SLF1: variants seen among roughly 807,000 people sequenced by gnomAD.
SLF1 encodes SMC5/6 complex localization factor 1, also known as SMC5-SMC6 complex localization factor protein 1.
In SLF1, 105 loss-of-function variants were observed where a neutral mutation model predicts 123.0. That is an observed-to-expected ratio of 0.85 (90% confidence interval 0.73 to 1.00). The LOEUF (loss-of-function observed/expected upper bound fraction) is 1.00, where lower values mean the gene tolerates loss of function less well. Ranked by LOEUF, SLF1 falls within the 50% of genes least tolerant of loss-of-function variation. SLF1 has a pLI of 0.00. For missense variants in SLF1, 1,239 were observed against 1,223.0 expected, an observed-to-expected ratio of 1.01 and a Z score of -0.20; for synonymous variants, 434 against 406.6, an observed-to-expected ratio of 1.07 and a Z score of -0.81.
chr5:94,633,679 A>C (rs145897499), intron 4 of SLF1, among the ~76,000 whole-genome samples: 412 of 149,654 alleles, frequency 2.8e-3, no homozygotes, highest in Non-Finnish European at 4.3e-3. Context: ...AGATACTAGA[A>C]GATCTCGCTA....
chr5:94,627,622 C>CTATATATATATATATATA (rs1554061301), intron 1 of SLF1, among the ~76,000 whole-genome samples: 4 of 60,576 alleles, frequency 6.6e-5, no homozygotes, highest in Admixed American at 1.6e-4. Flanking sequence ...ATATATATAG[C>CTATATATATATATATATA]AAAGTTAAGA....
chr5:94,643,207 T>G, intron 4 of SLF1, 66 bp from the exon 5 acceptor site: 1 of 1,247,340 alleles, frequency 8.0e-7, no homozygotes, highest in Non-Finnish European at 1.1e-6. Flanking sequence ...AATAATTAAT[T>G]TAGATAATTT....
intron 18 of SLF1, among the ~76,000 whole-genome samples, chr5:94,690,154 A>G (rs1483995471): frequency 2.0e-5 from 3 of 152,212 alleles, no homozygotes; most frequent in African/African-American, 4.8e-5. Flanking sequence ...CAAGAATAGC[A>G]TAATAATTCA....
At chr5:94,658,594 T>C (rs2152482920) in intron 9 of SLF1, among the ~76,000 whole-genome samples, 1 of 152,298 alleles carries the variant, frequency 6.6e-6, no homozygotes, top group Admixed American at 6.5e-5. Context: ...TTTTTAGAAT[T>C]CTTTCTTTGT....
At chr5:94,659,929 A>G (rs1170661045) in intron 9 of SLF1, among the ~76,000 whole-genome samples, 1 of 152,074 alleles carries the variant, frequency 6.6e-6, no homozygotes, top group Non-Finnish European at 1.5e-5. Context: ...CGGGCCCCCA[A>G]GTAGCAAACA....
At position 94,649,453 on chromosome 5, in the gene SLF1, G is replaced by T. The variant is rs1325312797; in HGVS notation, c.595-1G>T. ...CCTAAACCATTTTTACATACATACA[G>T]AAAGAAATTCAGAATGATGAAGATT... On this transcript the variant is annotated splice_acceptor_variant, in intron 5 of 20. Transcript: ENST00000265140. LOFTEE classifies it high-confidence loss of function. 10 of 1,490,934 alleles carry T rather than the reference G, an allele frequency of 6.7e-6. No individual in the cohort carries two copies. The highest frequency in any genetic ancestry group is 1.3e-5 in the South Asian group (1 of 76,302). The allele number at this position is 1,490,934 out of a possible 1,614,324, so 92.4% of individuals were successfully genotyped here.
chr5:94,626,353 A>T (rs991735334), intron 1 of SLF1, among the ~76,000 whole-genome samples: 2 of 152,148 alleles, frequency 1.3e-5, no homozygotes, highest in African/African-American at 4.8e-5. Flanking sequence ...CGTGTATATG[A>T]TTAATTTTTC....
At chr5:94,661,276 A>T (rs1430423731) in intron 9 of SLF1, among the ~76,000 whole-genome samples, 3 of 152,018 alleles carry the variant, frequency 2.0e-5, no homozygotes, top group Non-Finnish European at 4.4e-5. Context: ...ATCTGTGTAG[A>T]TGTCTCTTGT....
rs533061402 is a variant in SLF1 at position 94,670,023 on chromosome 5, G to A, written c.1533-128G>A. On this transcript the variant is annotated intron_variant, in intron 12 of 20. Transcript: ENST00000265140. Reference sequence around the variant, plus strand: ...GGAAGAAATATATTCATAAAATTTTGTTGAACTTTCTATTTTAAGAAAATT... The same window carrying A: ...GGAAGAAATATATTCATAAAATTTTATTGAACTTTCTATTTTAAGAAAATT... 6.7e-6 allele frequency: 6 copies of A among 901,060 alleles called. No homozygotes were observed. In the East Asian group the frequency reaches 1.9e-4, roughly 29 times the overall value. 55.8% of individuals were successfully genotyped at this position (901,060 alleles called of 1,614,324 possible). A position where few individuals can be genotyped will look rare whatever the true frequency, so the allele number is the denominator to read the frequency against.
intron 4 of SLF1, among the ~76,000 whole-genome samples, chr5:94,634,639 G>C (rs1234489624): frequency 6.6e-6 from 1 of 152,176 alleles, no homozygotes; most frequent in African/African-American, 2.4e-5. Flanking sequence ...GTAAATATGG[G>C]AGTGCAGATA....
intron 4 of SLF1, among the ~76,000 whole-genome samples, chr5:94,634,013 G>T (rs1745486053): frequency 6.6e-6 from 1 of 151,994 alleles, no homozygotes; most frequent in Non-Finnish European, 1.5e-5. Flanking sequence ...TATTAATCGT[G>T]TTTGCTTTTT....
Position 94,673,714 on chromosome 5 carries a change from AAT to A in SLF1, c.1827+2707_1827+2708del, listed in dbSNP as rs1228521670. Among the ~76,000 whole-genome samples the A allele has an allele frequency of 9.7e-4, 123 of 126,620 alleles. 2 individuals carry two copies. In the South Asian group the frequency reaches 0.02, roughly 21 times the overall value. 83.1% of individuals were successfully genotyped at this position (126,620 alleles called of 152,430 possible). ...CTTAAAAAAAAAAAAAAAAAAAAAA[AAT>A]TCATCTGAATTACCTAGGCCTTCAT... On this transcript the variant is annotated intron_variant, in intron 14 of 20. Transcript: ENST00000265140.
intron 20 of SLF1, among the ~76,000 whole-genome samples, 168 bp from the exon 21 acceptor site, chr5:94,694,663 T>C (rs1230870297): frequency 6.6e-6 from 1 of 151,902 alleles, no homozygotes; most frequent in East Asian, 1.9e-4. Context: ...TTTTTTAATG[T>C]ACCTTTATTC....
At chr5:94,625,672 C>T (rs1792173444) in intron 1 of SLF1, among the ~76,000 whole-genome samples, 1 of 152,040 alleles carries the variant, frequency 6.6e-6, no homozygotes, top group African/African-American at 2.4e-5. Flanking sequence ...CGTGAGCCAC[C>T]ATGCCCGGCC....
In SLF1 at chr5:94,689,474, G is replaced by C. The variant is rs745461678; in HGVS notation, c.2287G>C (p.Asp763His). 6.2e-7 allele frequency: 1 copy of C among 1,610,614 alleles called. No individual in the cohort carries two copies. The highest frequency in any genetic ancestry group is 1.7e-5 in the Admixed American group (1 of 59,526). The part of the protein sequence containing the change: ...KQVEGLPELL[D>H]LNLAKCSSSL... Reference sequence around the variant, plus strand: ...ATTATTTCTTACTTTTCCTTTCAGAGACCTGAACCTTGCTAAATGTTCCTC... The same window carrying C: ...ATTATTTCTTACTTTTCCTTTCAGACACCTGAACCTTGCTAAATGTTCCTC... The change falls in exon 18 of 21, where the codon GAC becomes CAC. Residue 763 changes from aspartate to histidine, a missense_variant and splice_region_variant. Asp to His is a moderately conservative substitution (Grantham distance 81). Transcript: ENST00000265140.
At chr5:94,654,838 TATG>T in intron 9 of SLF1, 86 bp downstream of exon 9, 1 of 954,942 alleles carries the variant, frequency 1.0e-6, no homozygotes, top group South Asian at 3.1e-5. Flanking sequence ...CATATATACA[TATG>T]ATTCATTAGT....
intron 7 of SLF1, among the ~76,000 whole-genome samples, chr5:94,652,725 A>G (rs111728932): frequency 6.6e-6 from 1 of 152,180 alleles, no homozygotes; most frequent in Non-Finnish European, 1.5e-5. Context: ...ATTCCTAGGA[A>G]TGGAGTTGCT....
intron 20 of SLF1, 85 bp downstream of exon 20, chr5:94,692,341 A>C (rs968210983): frequency 1.5e-6 from 2 of 1,338,104 alleles, no homozygotes; most frequent in African/African-American, 2.9e-5. Flanking sequence ...TTTTATGTTT[A>C]AAATCTGTAA....
At chr5:94,630,384 TAGC>T (rs1434557552) in intron 3 of SLF1, 116 bp from the exon 4 acceptor site, 71 of 1,199,772 alleles carry the variant, frequency 5.9e-5, no homozygotes. Context: ...AAGATAATGT[TAGC>T]AGCATAGCTT....
Sources: gnomAD v4.1 joint callset for allele counts (sites outside exome capture counted in the v4.1 genomes callset) on GRCh38, gnomAD v4.1.1 for gene constraint, MANE v1.5 for transcripts, NCBI Gene and HGNC (gene_info 2026-07-23, HGNC 2026-07-21) for gene names.